Variants in KCNQ3 observed in about 807,000 individuals in gnomAD.
The protein encoded by KCNQ3 is potassium voltage-gated channel subfamily KQT member 3.
KCNQ3 carries 30 observed loss-of-function variants against 92.5 expected under a neutral mutation model. The observed-to-expected ratio is 0.32, with a 90% CI of 0.24 to 0.44. The LOEUF is 0.44. Ranked by LOEUF, KCNQ3 falls within the 20% of genes least tolerant of loss-of-function variation. The probability of loss-of-function intolerance (pLI) is 1.00; values close to 1 mark genes in which losing one functional copy is unlikely to be tolerated. For synonymous variants in KCNQ3, 450 were observed against 468.8 expected (o/e 0.96, Z 0.52); for missense variants, 913 against 1,140.3 (o/e 0.80, Z 2.87).
At chr8:132,388,376 A>G (rs773842196) in intron 1 of KCNQ3, among the ~76,000 whole-genome samples, 1 of 152,222 alleles carries the variant, frequency 6.6e-6, no homozygotes, top group African/African-American at 2.4e-5. Context: ...AGAGTACGAG[A>G]AAACTTCAGA....
At chr8:132,476,051 T>C (rs1822403479) in intron 1 of KCNQ3, among the ~76,000 whole-genome samples, 1 of 152,240 alleles carries the variant, frequency 6.6e-6, no homozygotes, top group African/African-American at 2.4e-5. Flanking sequence ...CTCAGCCCAT[T>C]GCTTCAGAGT....
chr8:132,252,758 C>T (rs143844561), intron 1 of KCNQ3, among the ~76,000 whole-genome samples: 3 of 152,192 alleles, frequency 2.0e-5, no homozygotes, highest in African/African-American at 7.2e-5. Context: ...AATCCTTTAA[C>T]TAGACACAGA....
intron 1 of KCNQ3, among the ~76,000 whole-genome samples, chr8:132,377,224 G>A (rs1360551556): frequency 6.6e-6 from 1 of 152,162 alleles, no homozygotes; most frequent in Non-Finnish European, 1.5e-5. Flanking sequence ...TCTCTGCTTT[G>A]GTTAGGGCAT....
At chr8:132,380,587 C>A (rs1819720617) in intron 1 of KCNQ3, among the ~76,000 whole-genome samples, 1 of 152,046 alleles carries the variant, frequency 6.6e-6, no homozygotes. Flanking sequence ...CTCCATCTCC[C>A]ATCTCCCACC....
chr8:132,341,628 A>C (rs1586941361), intron 1 of KCNQ3, among the ~76,000 whole-genome samples: 1 of 152,248 alleles, frequency 6.6e-6, no homozygotes, highest in Admixed American at 6.5e-5. Context: ...GAAAACATGC[A>C]CAACTGTCCA....
At position 132,129,012 on chromosome 8, in the gene KCNQ3, C is replaced by A. The variant is rs1347623905; in HGVS notation, c.*250G>T. On this transcript the variant is annotated 3_prime_UTR_variant, in exon 15 of 15. Transcript: ENST00000388996. The surrounding 1 kb of genome is among the most constrained non-coding windows in gnomAD (Gnocchi z 5.9). ...GTAAGAACAGCAGATAAATGTGTAT[C>A]CTAGAAGAGATTAGCGGAACCATTT... The A allele has an allele frequency of 1.8e-6, 1 of 561,140 alleles. No homozygotes were observed. Among genetic ancestry groups the A allele is most frequent in the Non-Finnish European group, 3.2e-6 (1 of 313,416 alleles). The allele number at this position is 561,140 out of a possible 1,614,324, so 34.8% of individuals were successfully genotyped here.
intron 1 of KCNQ3, among the ~76,000 whole-genome samples, chr8:132,462,939 T>TAC (rs938033307): frequency 4.0e-4 from 61 of 152,008 alleles, no homozygotes; most frequent in Middle Eastern, 3.4e-3. Flanking sequence ...TCTCTTTTTC[T>TAC]ACACACACAC....
chr8:132,163,478 C>T lies in KCNQ3; in HGVS notation c.1252G>A (p.Ala418Thr), dbSNP rs1479702428. The change falls in exon 9 of 15, where the codon GCA becomes ACA. Residue 418 changes from alanine (A) to threonine (T), a missense_variant. Coordinates refer to ENST00000388996, the MANE Select transcript of KCNQ3 (RefSeq NM_004519.4). ...TAATCAGAAACTTACCTGGATGCTG[C>T]CTCCAGCTGTTCTTTCCTAGAAAGA... ...FPFFRKEQLEAASSQKLGLLD... is the reference protein window; with the variant it reads ...FPFFRKEQLETASSQKLGLLD... The T allele has an allele frequency of 9.9e-6, 16 of 1,612,314 alleles. No homozygotes were observed. Among genetic ancestry groups the T allele is most frequent in the East Asian group, 2.2e-5 (1 of 44,868 alleles).
chr8:132,206,135 A>T (rs563676126), intron 1 of KCNQ3, among the ~76,000 whole-genome samples: 1 of 152,286 alleles, frequency 6.6e-6, no homozygotes, highest in East Asian at 1.9e-4. Flanking sequence ...AGCCATAAGG[A>T]TGTCTCAGAA....
chr8:132,236,745 CTT>C (rs1814828516), intron 1 of KCNQ3, among the ~76,000 whole-genome samples: 1 of 152,184 alleles, frequency 6.6e-6, no homozygotes, highest in Non-Finnish European at 1.5e-5. Flanking sequence ...GTGGGTCTGA[CTT>C]TATCACAAGA....
chr8:132,240,861 C>T (rs1376167291), intron 1 of KCNQ3, among the ~76,000 whole-genome samples: 1 of 151,312 alleles, frequency 6.6e-6, no homozygotes, highest in East Asian at 2.0e-4. Flanking sequence ...TCCTTTAATT[C>T]TCAAAACAAC....
chr8:132,404,176 T>C (rs1418297560), intron 1 of KCNQ3, among the ~76,000 whole-genome samples: 5 of 152,188 alleles, frequency 3.3e-5, no homozygotes, highest in African/African-American at 9.6e-5. Context: ...GACAAAGGGA[T>C]GCTCTGTAGA....
intron 1 of KCNQ3, among the ~76,000 whole-genome samples, chr8:132,462,044 G>A (rs917284630): frequency 2.0e-4 from 30 of 152,208 alleles, no homozygotes; most frequent in Non-Finnish European, 3.4e-4. Flanking sequence ...GAGAAAAATC[G>A]AGGATCAAAA....
intron 1 of KCNQ3, among the ~76,000 whole-genome samples, chr8:132,268,606 C>A (rs1364297809): frequency 6.6e-6 from 1 of 152,118 alleles, no homozygotes; most frequent in Non-Finnish European, 1.5e-5. Flanking sequence ...CTGAATATGC[C>A]CACGTTTATT....
intron 1 of KCNQ3, among the ~76,000 whole-genome samples, chr8:132,409,779 G>C (rs575262604): frequency 6.6e-6 from 1 of 152,322 alleles, no homozygotes; most frequent in African/African-American, 2.4e-5. Flanking sequence ...AAATACATCA[G>C]GGGAGACACT....
chr8:132,295,962 C>G (rs1817008659), intron 1 of KCNQ3, among the ~76,000 whole-genome samples: 1 of 152,116 alleles, frequency 6.6e-6, no homozygotes, highest in South Asian at 2.1e-4. Context: ...TTGGTAGGTG[C>G]AGCAAACCAC....
intron 4 of KCNQ3, among the ~76,000 whole-genome samples, chr8:132,177,372 C>T (rs1375443052): frequency 6.6e-6 from 1 of 152,210 alleles, no homozygotes; most frequent in Non-Finnish European, 1.5e-5. Flanking sequence ...CAGGTAGCTC[C>T]TCTACCTGCT....
intron 1 of KCNQ3, among the ~76,000 whole-genome samples, chr8:132,345,247 G>C (rs6988532): frequency 0.57 from 87,339 of 152,158 alleles, 28,232 homozygotes; most frequent in African/African-American, 0.89. Context: ...TCTCACGTAT[G>C]AAATGGAACC....
At chr8:132,423,878 C>T (rs1443810510) in intron 1 of KCNQ3, among the ~76,000 whole-genome samples, 1 of 152,132 alleles carries the variant, frequency 6.6e-6, no homozygotes, top group East Asian at 1.9e-4. Context: ...TTCCAGGACA[C>T]TGAGTAAAGC....
Sources: gnomAD v4.1 joint callset for allele counts (sites outside exome capture counted in the v4.1 genomes callset) on GRCh38, gnomAD v4.1.1 for gene constraint, Gnocchi (gnomAD v3.1) non-coding constraint, MANE v1.5 for transcripts, NCBI Gene and HGNC (gene_info 2026-07-23, HGNC 2026-07-21) for gene names.